MAML1: variants seen among roughly 807,000 people sequenced by gnomAD.
MAML1 encodes the protein mastermind like transcriptional coactivator 1.
Under a neutral mutation model 77.1 loss-of-function variants are expected in MAML1, and 14 were observed. The observed-to-expected ratio is 0.18, with a 90% CI of 0.12 to 0.28. The LOEUF is 0.28. MAML1 is among the 10% of genes least tolerant of loss of function. The pLI is 1.00. For missense variants in MAML1, 1,217 were observed against 1,327.8 expected (o/e 0.92, Z 1.30); for synonymous variants, 516 against 551.9 (o/e 0.93, Z 0.91).
intron 1 of MAML1, among the ~76,000 whole-genome samples, chr5:179,735,696 A>AT (rs1209669011): frequency 1.8e-4 from 20 of 111,194 alleles, no homozygotes; most frequent in Admixed American, 8.4e-4. Flanking sequence ...TAGCCTATTT[A>AT]TTTTTTTTTG....
rs1755905216 is a variant in MAML1 at position 179,769,010 on chromosome 5, A to G, written c.1892A>G (p.Gln631Arg). ...CAGCATCAGTTGCTTTTGGACCAAC[A>G]GAAACAAAGGGAGCAGCAGCAAAAG... The part of the protein sequence containing the change: ...MKQHQLLLDQ[Q>R]KQREQQQKHL... Residue 631 changes from glutamine to arginine, a missense_variant, in exon 3 of 5, where the codon CAG (glutamine) becomes CGG (arginine). Gln to Arg is a conservative substitution (Grantham distance 43, BLOSUM62 1). Around this residue, in one of 3 missense-constraint regions of MAML1, gnomAD observed 884 missense variants for 949.3 expected, o/e 0.93. Coordinates refer to ENST00000292599, the MANE Select transcript of MAML1 (RefSeq NM_014757.5). This position sits in a 1 kb window ranked among gnomAD's most constrained non-coding sequence, Gnocchi z 4.2. 6 of 1,614,234 alleles carry G rather than the reference A, an allele frequency of 3.7e-6. No individual in the cohort carries two copies. The highest frequency in any genetic ancestry group is 3.3e-4 in the Middle Eastern group (2 of 6,062).
chr5:179,767,095 C>CTTTTTTTTTT (rs10707656), intron 2 of MAML1, among the ~76,000 whole-genome samples: 7 of 100,938 alleles, frequency 6.9e-5, no homozygotes, highest in Non-Finnish European at 1.2e-4. Flanking sequence ...AGAGGCTTGG[C>CTTTTTTTTTT]TTTTTTTTTT....
At chr5:179,753,616 A>G (rs1413520652) in intron 1 of MAML1, among the ~76,000 whole-genome samples, 4 of 148,706 alleles carry the variant, frequency 2.7e-5, no homozygotes, top group African/African-American at 7.4e-5. Flanking sequence ...ATCGGGGGGG[A>G]GAAGTGTTTC....
At position 179,774,699 on chromosome 5, in the gene MAML1, C is replaced by G; in HGVS notation, c.2873C>G (p.Thr958Ser). Residue 958 changes from threonine (T) to serine (S), a missense_variant, in exon 5 of 5, where the codon ACC (threonine) becomes AGC (serine). By Grantham distance (58) the Thr-to-Ser change is moderately conservative. Transcript: ENST00000292599. Reference protein sequence around the residue: ...QMGGRAGLHCTQAYPVRTAGQ... With the variant: ...QMGGRAGLHCSQAYPVRTAGQ... Reference sequence around the variant, plus strand: ...GGCGGTCGGGCGGGGCTGCACTGCACCCAGGCCTACCCTGTGCGGACCGCG... The same window carrying G: ...GGCGGTCGGGCGGGGCTGCACTGCAGCCAGGCCTACCCTGTGCGGACCGCG... 6.2e-7 allele frequency: 1 copy of G among 1,610,472 alleles called. No homozygotes were observed. Among genetic ancestry groups the G allele is most frequent in the Non-Finnish European group, 8.5e-7 (1 of 1,179,952 alleles).
rs748102237 is a variant in MAML1 at position 179,766,160 on chromosome 5, A to G, written c.1150A>G (p.Ser384Gly). ...AGCCCTTGCAGGTGTGGTATTGCCCAGTCAGGGCCCAGGAGGGGCCTCAGA... is the reference window on the plus strand; with the variant it reads ...AGCCCTTGCAGGTGTGGTATTGCCCGGTCAGGGCCCAGGAGGGGCCTCAGA... ...QRALAGVVLP[S>G]QGPGGASELS... The change falls in exon 2 of 5, where the codon AGT becomes GGT. Residue 384 changes from serine (S) to glycine (G), a missense_variant. Physicochemically the swap from Ser to Gly is moderately conservative, Grantham distance 56. Transcript: ENST00000292599. This position sits in a 1 kb window ranked among gnomAD's most constrained non-coding sequence, Gnocchi z 4.0. 1 of 1,583,200 alleles carries G rather than the reference A, an allele frequency of 6.3e-7. No homozygotes were observed.
rs1273161597 is a variant in MAML1 at position 179,760,041 on chromosome 5, G to A, written c.316-5285G>A. Among the ~76,000 whole-genome samples the A allele has an allele frequency of 2.6e-5, 4 of 152,284 alleles. No homozygotes were observed. In the East Asian group the frequency reaches 5.8e-4, roughly 22 times the overall value. ...CAGTCTTATGTGGGAACAGAGGAAA[G>A]GAAACAGGACTGGGGAGAGGCTGGC... On this transcript the variant is annotated intron_variant, in intron 1 of 4. Transcript: ENST00000292599.
In MAML1 at chr5:179,776,902, C is replaced by G. The variant is rs1363274815; in HGVS notation, c.*2025C>G. The G allele has an allele frequency of 2.0e-6, 2 of 985,796 alleles. No individual in the cohort carries two copies. Among genetic ancestry groups the G allele is most frequent in the African/African-American group, 3.5e-5 (2 of 57,254 alleles). The allele number at this position is 985,796 out of a possible 1,614,324, so 61.1% of individuals were successfully genotyped here. ...GTCAGGGGAGGAGATGACTTTGCTT[C>G]TGTGCACAGCCCCGTCTTCCAGGAG... On this transcript the variant is annotated 3_prime_UTR_variant, in exon 5 of 5. Coordinates refer to ENST00000292599, the MANE Select transcript of MAML1 (RefSeq NM_014757.5).
chr5:179,773,278 T>C (rs940284246), intron 4 of MAML1, among the ~76,000 whole-genome samples: 11 of 152,382 alleles, frequency 7.2e-5, no homozygotes, highest in Admixed American at 2.6e-4. Flanking sequence ...ACTGTCTGCA[T>C]ATCCCGGCCA....
Position 179,769,114 on chromosome 5 carries a change from C to T in MAML1, c.1971+25C>T, listed in dbSNP as rs777231886. ...GGTAAAAAGAAAAGTGGAAGGAAACCACCGCTTCCCACCTTTGCCTGCACC... is the reference window on the plus strand; with the variant it reads ...GGTAAAAAGAAAAGTGGAAGGAAACTACCGCTTCCCACCTTTGCCTGCACC... On this transcript the variant is annotated intron_variant, in intron 3 of 4. Coordinates refer to ENST00000292599, the MANE Select transcript of MAML1 (RefSeq NM_014757.5). The surrounding 1 kb of genome is among the most constrained non-coding windows in gnomAD (Gnocchi z 4.2). 3.1e-6 allele frequency: 5 copies of T among 1,611,660 alleles called. No homozygotes were observed. The highest frequency in any genetic ancestry group is 4.2e-6 in the Non-Finnish European group (5 of 1,178,434).
chr5:179,735,175 A>G (rs1779143338), intron 1 of MAML1, among the ~76,000 whole-genome samples: 1 of 151,526 alleles, frequency 6.6e-6, no homozygotes, highest in Non-Finnish European at 1.5e-5. Context: ...AAAGTATGAT[A>G]ATAATAAATA....
At position 179,776,679 on chromosome 5, in the gene MAML1, T is replaced by G. The variant is rs1803458; in HGVS notation, c.*1802T>G. Reference sequence around the variant, plus strand: ...GGCTGGTTGTGGATCCTTGTTCCTCTCCTGACCCCATCTGGCTGCTGCCCC... The same window carrying G: ...GGCTGGTTGTGGATCCTTGTTCCTCGCCTGACCCCATCTGGCTGCTGCCCC... On this transcript the variant is annotated 3_prime_UTR_variant, in exon 5 of 5. Transcript: ENST00000292599. 3.3e-3 allele frequency: 3,268 copies of G among 985,834 alleles called. 59 individuals carry two copies. In the African/African-American group the frequency reaches 0.046, roughly 14 times the overall value. The allele number at this position is 985,834 out of a possible 1,614,324, so 61.1% of individuals were successfully genotyped here.
Position 179,732,837 on chromosome 5 carries a change from A to C in MAML1, c.-276A>C. 1 of 216,350 alleles carries C rather than the reference A, an allele frequency of 4.6e-6. No homozygotes were observed. The highest frequency in any genetic ancestry group is 9.1e-6 in the Non-Finnish European group (1 of 110,376). The allele number at this position is 216,350 out of a possible 1,614,324, so 13.4% of individuals were successfully genotyped here. A position where few individuals can be genotyped will look rare whatever the true frequency, so the allele number is the denominator to read the frequency against. ...GCCTTCTTCCGAGAGGCCCGAAAAC[A>C]ATTTTAAGATGGCGGCCGCGGCGGT... is the stretch of plus-strand genomic sequence containing the variant. On this transcript the variant is annotated 5_prime_UTR_variant, in exon 1 of 5. Transcript: ENST00000292599.
chr5:179,768,557 G>A (rs1779863516), intron 2 of MAML1, among the ~76,000 whole-genome samples: 1 of 152,212 alleles, frequency 6.6e-6, no homozygotes, highest in African/African-American at 2.4e-5. Flanking sequence ...TGGAACTATT[G>A]TGTGCAAATA....
In MAML1 at chr5:179,768,466, C is replaced by A. The variant is rs1388597659; in HGVS notation, c.1732-384C>A. Among the ~76,000 whole-genome samples, 8 of 152,170 alleles carry A rather than the reference C, an allele frequency of 5.3e-5. No homozygotes were observed. In the South Asian group the frequency reaches 1.0e-3, roughly 20 times the overall value. On this transcript the variant is annotated intron_variant, in intron 2 of 4. Transcript: ENST00000292599. ...GAGCGAAACTCCGTCTGAAAAAAAA[C>A]AAAAAGTATTCTTCCCCTATTGGCC...
At chr5:179,735,511 CCTA>C (rs1223147698) in intron 1 of MAML1, among the ~76,000 whole-genome samples, 3 of 152,062 alleles carry the variant, frequency 2.0e-5, no homozygotes, top group Non-Finnish European at 4.4e-5. Context: ...CCTCAGCCTC[CCTA>C]CTAGCTGGGA....
In MAML1 at chr5:179,765,579, G is replaced by T. The variant is rs113636707; in HGVS notation, c.569G>T (p.Arg190Leu). Residue 190 changes from arginine to leucine, a missense_variant, in exon 2 of 5, where the codon CGT (arginine) becomes CTT (leucine). Physicochemically the swap from Arg to Leu is moderately radical, Grantham distance 102 (BLOSUM62 -2). Transcript: ENST00000292599. ...SLGLDSLNKK[R>L]LADSSLHLNG... ...GGGCTAGACTCTCTCAACAAAAAGCGTCTGGCTGACTCCAGCCTTCACTTG... is the reference window on the plus strand; with the variant it reads ...GGGCTAGACTCTCTCAACAAAAAGCTTCTGGCTGACTCCAGCCTTCACTTG... 2 of 1,614,034 alleles carry T rather than the reference G, an allele frequency of 1.2e-6. No individual in the cohort carries two copies. The highest frequency in any genetic ancestry group is 1.7e-6 in the Non-Finnish European group (2 of 1,180,032).
At chr5:179,762,540 G>A (rs1480626026) in intron 1 of MAML1, among the ~76,000 whole-genome samples, 2 of 152,204 alleles carry the variant, frequency 1.3e-5, no homozygotes, top group Admixed American at 1.3e-4. Flanking sequence ...CCTGTACACT[G>A]CAGAAACTCT....
chr5:179,745,859 CAAAAAAAAAAAA>C lies in MAML1; in HGVS notation c.315+12446_315+12457del, dbSNP rs36036714. Among the ~76,000 whole-genome samples, 30 of 63,456 alleles carry C rather than the reference CAAAAAAAAAAAA, an allele frequency of 4.7e-4. 1 individual carries two copies. The highest frequency in any genetic ancestry group is 2.8e-3 in the Admixed American group (13 of 4,620). The allele number at this position is 63,456 out of a possible 152,430, so 41.6% of individuals were successfully genotyped here. A position where few individuals can be genotyped will look rare whatever the true frequency, so the allele number is the denominator to read the frequency against. ...TGAGCGACAGAGCGCAACTCCGTCT[CAAAAAAAAAAAA>C]AAAAAAAAAAAAATTAGCCGGGCGT... On this transcript the variant is annotated intron_variant, in intron 1 of 4. Coordinates refer to ENST00000292599, the MANE Select transcript of MAML1 (RefSeq NM_014757.5).
chr5:179,765,274 T>C, intron 1 of MAML1, 52 bp from the exon 2 acceptor site: 1 of 1,495,084 alleles, frequency 6.7e-7, no homozygotes, highest in Non-Finnish European at 9.1e-7. Flanking sequence ...GTTACTGTCA[T>C]AGCAGAGCAA....
Sources: allele counts gnomAD v4.1 joint callset (sites outside exome capture counted in the v4.1 genomes callset), GRCh38; gene constraint gnomAD v4.1.1; regional missense constraint gnomAD v4.1.1; non-coding constraint Gnocchi (gnomAD v3.1); transcripts MANE v1.5; gene names NCBI Gene and HGNC (gene_info 2026-07-23, HGNC 2026-07-21).